WWOX: variants seen among roughly 807,000 people sequenced by gnomAD.
WWOX encodes the protein WW domain-containing oxidoreductase.
In WWOX, 69 loss-of-function variants were observed where a neutral mutation model predicts 46.2. The observed-to-expected ratio is 1.49, with a 90% confidence interval of 1.23 to 1.82. WWOX has a LOEUF of 1.82. Ranked by LOEUF, WWOX falls within the 40% of genes most tolerant of loss-of-function variation. The probability of loss-of-function intolerance (pLI) is 0.00; values close to 1 mark genes in which losing one functional copy is unlikely to be tolerated. For synonymous variants in WWOX, 359 were observed against 202.6 expected, an observed-to-expected ratio of 1.77 and a Z score of -6.56; for missense variants, 919 against 542.6, an observed-to-expected ratio of 1.69 and a Z score of -6.89.
At chr16:79,012,449 T>A (rs1597275373) in intron 8 of WWOX, among the ~76,000 whole-genome samples, 1 of 152,154 alleles carries the variant, frequency 6.6e-6, no homozygotes, top group African/African-American at 2.4e-5. Context: ...GCCAGGCTGG[T>A]CTCGAACTCC....
intron 8 of WWOX, among the ~76,000 whole-genome samples, chr16:79,133,162 T>C (rs2049914920): frequency 1.3e-5 from 2 of 152,236 alleles, no homozygotes; most frequent in South Asian, 2.1e-4. Flanking sequence ...TATTTTCTTT[T>C]TAACAACTTT....
chr16:78,510,248 T>C (rs1001319918), intron 8 of WWOX, among the ~76,000 whole-genome samples: 4 of 152,234 alleles, frequency 2.6e-5, no homozygotes, highest in African/African-American at 9.6e-5. Flanking sequence ...CTTGCTCTGT[T>C]GACCATGCTA....
At chr16:79,153,092 A>G (rs1001604650) in intron 8 of WWOX, among the ~76,000 whole-genome samples, 1 of 152,192 alleles carries the variant, frequency 6.6e-6, no homozygotes, top group Non-Finnish European at 1.5e-5. Flanking sequence ...AGGAAAATCC[A>G]AACTCACTTG....
At chr16:78,930,799 A>G (rs1215636675) in intron 8 of WWOX, among the ~76,000 whole-genome samples, 1 of 152,188 alleles carries the variant, frequency 6.6e-6, no homozygotes, top group East Asian at 1.9e-4. Flanking sequence ...CATCACACAT[A>G]TTTGCTGAGT....
chr16:78,133,222 T>C (rs944263745), intron 4 of WWOX, among the ~76,000 whole-genome samples: 1 of 152,224 alleles, frequency 6.6e-6, no homozygotes, highest in African/African-American at 2.4e-5. Context: ...CCGCGTGTTA[T>C]GTTTAAACTG....
At chr16:78,445,915 G>GA (rs1407856460) in intron 8 of WWOX, among the ~76,000 whole-genome samples, 1 of 152,030 alleles carries the variant, frequency 6.6e-6, no homozygotes, top group Admixed American at 6.6e-5. Flanking sequence ...GGAAAGAAGA[G>GA]AAACAGCTTT....
At chr16:79,165,803 A>G (rs2050582311) in intron 8 of WWOX, among the ~76,000 whole-genome samples, 1 of 152,216 alleles carries the variant, frequency 6.6e-6, no homozygotes, top group Non-Finnish European at 1.5e-5. Flanking sequence ...TCTCCGAGTC[A>G]GCCTGAACAA....
intron 5 of WWOX, among the ~76,000 whole-genome samples, chr16:78,370,633 T>C (rs2081654474): frequency 6.6e-6 from 1 of 152,180 alleles, no homozygotes; most frequent in Non-Finnish European, 1.5e-5. Context: ...GTGTCTATCT[T>C]TTGTCTTTCT....
chr16:78,478,890 T>C (rs958770968), intron 8 of WWOX, among the ~76,000 whole-genome samples: 1 of 152,208 alleles, frequency 6.6e-6, no homozygotes, highest in Non-Finnish European at 1.5e-5. Flanking sequence ...GTAGTATAAT[T>C]TCATTAACTC....
intron 1 of WWOX, among the ~76,000 whole-genome samples, chr16:78,101,944 A>C (rs564358452): frequency 1.2e-3 from 177 of 152,184 alleles, no homozygotes; most frequent in African/African-American, 4.1e-3. Flanking sequence ...GTCTGGCATG[A>C]GGTGTGTGTA....
Position 78,797,490 on chromosome 16 carries a change from G to A in WWOX, c.1056+364738G>A, listed in dbSNP as rs148911485. 7.6e-3 allele frequency among the ~76,000 whole-genome samples: 1,162 copies of A among 151,960 alleles called. 11 individuals are homozygous for A. Among genetic ancestry groups the A allele is most frequent in the Non-Finnish European group, 0.011 (724 of 67,974 alleles). On this transcript the variant is annotated intron_variant, in intron 8 of 8. Transcript: ENST00000566780. The stretch of plus-strand genomic sequence containing the variant: ...TGCTCTAATTTGTAGAGATGTTCTC[G>A]AGGCAGCCTGGAGTCAAGACAAGAG...
chr16:79,062,704 C>T (rs117705860), intron 8 of WWOX, among the ~76,000 whole-genome samples: 4 of 152,132 alleles, frequency 2.6e-5, no homozygotes, highest in Admixed American at 1.3e-4. Context: ...GCAAGAGGTA[C>T]CTCCTGGTTT....
intron 8 of WWOX, among the ~76,000 whole-genome samples, chr16:78,598,756 G>C (rs1203324531): frequency 6.6e-6 from 1 of 152,190 alleles, no homozygotes; most frequent in Non-Finnish European, 1.5e-5. Context: ...GGTCACTGGA[G>C]GCATTTTTGT....
At chr16:78,152,357 A>G (rs1043159709) in intron 4 of WWOX, among the ~76,000 whole-genome samples, 6 of 151,382 alleles carry the variant, frequency 4.0e-5, no homozygotes, top group Non-Finnish European at 7.4e-5. Context: ...GTCGTAGATA[A>G]TGCCGTACTG....
intron 8 of WWOX, among the ~76,000 whole-genome samples, chr16:78,799,065 C>T (rs952853020): frequency 6.6e-6 from 1 of 152,198 alleles, no homozygotes; most frequent in Non-Finnish European, 1.5e-5. Context: ...TATACCTTGT[C>T]AATCCATTTT....
chr16:79,145,122 T>C (rs1224593721), intron 8 of WWOX, among the ~76,000 whole-genome samples: 2 of 152,196 alleles, frequency 1.3e-5, no homozygotes, highest in Non-Finnish European at 2.9e-5. Flanking sequence ...AGGGTATTAA[T>C]CCATTATTTA....
At chr16:78,874,561 A>G (rs1304341098) in intron 8 of WWOX, among the ~76,000 whole-genome samples, 3 of 152,120 alleles carry the variant, frequency 2.0e-5, no homozygotes, top group African/African-American at 4.8e-5. Flanking sequence ...ATTCATGGCA[A>G]AAGATGTCTG....
At chr16:78,166,435 A>T (rs2034973543) in intron 5 of WWOX, among the ~76,000 whole-genome samples, 1 of 152,146 alleles carries the variant, frequency 6.6e-6, no homozygotes, top group South Asian at 2.1e-4. Flanking sequence ...TTCTTTATTT[A>T]CGTATTTGTG....
At chr16:78,208,999 G>A (rs528999084) in intron 5 of WWOX, among the ~76,000 whole-genome samples, 38 of 152,060 alleles carry the variant, frequency 2.5e-4, no homozygotes, top group South Asian at 1.9e-3. Flanking sequence ...TTTAAAATGT[G>A]GGTGGTTTTG....
Sources: allele counts gnomAD v4.1 joint callset (sites outside exome capture counted in the v4.1 genomes callset), GRCh38; gene constraint gnomAD v4.1.1; transcripts MANE v1.5; gene names NCBI Gene and HGNC (gene_info 2026-07-23, HGNC 2026-07-21).